The following NOVA1 variants were observed in gnomAD, a reference collection of about 807,000 sequenced individuals.
NOVA1 encodes the protein RNA-binding protein Nova-1.
NOVA1 carries 7 observed loss-of-function variants against 38.0 expected under a neutral mutation model. That is an observed-to-expected ratio of 0.18 (90% confidence interval 0.10 to 0.35). NOVA1 has a LOEUF of 0.35. Ranked by LOEUF, NOVA1 falls within the 10% of genes least tolerant of loss-of-function variation. The pLI is 1.00. For synonymous variants in NOVA1, 270 were observed against 232.5 expected, an observed-to-expected ratio of 1.16 and a Z score of -1.47; for missense variants, 460 against 616.0, an observed-to-expected ratio of 0.75 and a Z score of 2.68.
At chr14:26,549,030 G>A (rs1360526381) in intron 2 of NOVA1, among the ~76,000 whole-genome samples, 1 of 152,012 alleles carries the variant, frequency 6.6e-6, no homozygotes, top group African/African-American at 2.4e-5. Context: ...TTGATAGCTG[G>A]GAGGCTATCT....
chr14:26,596,527 A>G (rs1006807185), intron 1 of NOVA1: 1 of 1,287,994 alleles, frequency 7.8e-7, no homozygotes, highest in African/African-American at 1.5e-5. Context: ...GTGCCACTCA[A>G]AAGACCCCCA....
intron 2 of NOVA1, among the ~76,000 whole-genome samples, chr14:26,487,255 C>T (rs557400010): frequency 2.6e-5 from 4 of 152,234 alleles, no homozygotes; most frequent in Non-Finnish European, 5.9e-5. Flanking sequence ...CTGAAGCTCA[C>T]AACTACAGAC....
At chr14:26,481,644 T>C (rs1235016393) in intron 2 of NOVA1, among the ~76,000 whole-genome samples, 1 of 152,108 alleles carries the variant, frequency 6.6e-6, no homozygotes, top group East Asian at 1.9e-4. Flanking sequence ...CTTTCATTTG[T>C]AAGGGTGGAT....
At chr14:26,552,377 C>T (rs904421349) in intron 2 of NOVA1, among the ~76,000 whole-genome samples, 3 of 152,132 alleles carry the variant, frequency 2.0e-5, no homozygotes, top group African/African-American at 7.2e-5. Flanking sequence ...AAAAATAATT[C>T]TAACAGCATA....
At chr14:26,530,149 AC>A (rs1458598125) in intron 2 of NOVA1, among the ~76,000 whole-genome samples, 2 of 152,028 alleles carry the variant, frequency 1.3e-5, no homozygotes, top group Non-Finnish European at 2.9e-5. Flanking sequence ...CGATCTCCTG[AC>A]CTCATGATCC....
At chr14:26,587,555 T>G (rs1190965486) in intron 2 of NOVA1, among the ~76,000 whole-genome samples, 1 of 150,870 alleles carries the variant, frequency 6.6e-6, no homozygotes, top group Non-Finnish European at 1.5e-5. Context: ...TCAAAAAAAA[T>G]TACCTTCACC....
rs1230973256 is a variant in NOVA1 at position 26,444,404 on chromosome 14, C to T, written c.*3555G>A. ...AATATATAATACAGGACTTGCTAAC[C>T]TCTGTTAACCATCTGAATGCGATGG... On this transcript the variant is annotated 3_prime_UTR_variant, in exon 5 of 5. Transcript: ENST00000539517. 1 of 152,026 alleles carries T rather than the reference C, an allele frequency of 6.6e-6. No individual in the cohort carries two copies. The highest frequency in any genetic ancestry group is 2.4e-5 in the African/African-American group (1 of 41,398). 9.4% of individuals were successfully genotyped at this position (152,026 alleles called of 1,614,324 possible).
chr14:26,497,952 C>T (rs1886941947), intron 2 of NOVA1, among the ~76,000 whole-genome samples: 1 of 152,066 alleles, frequency 6.6e-6, no homozygotes, highest in South Asian at 2.1e-4. Flanking sequence ...AATTATCAGA[C>T]CAAATTATAC....
intron 2 of NOVA1, among the ~76,000 whole-genome samples, chr14:26,530,930 C>A (rs983585968): frequency 6.6e-6 from 1 of 151,902 alleles, no homozygotes; most frequent in African/African-American, 2.4e-5. Flanking sequence ...CATTAACAAC[C>A]AAAAACAACA....
At chr14:26,537,201 T>C (rs981768024) in intron 2 of NOVA1, among the ~76,000 whole-genome samples, 7 of 152,008 alleles carry the variant, frequency 4.6e-5, no homozygotes, top group African/African-American at 1.7e-4. Flanking sequence ...TAGAAATTTT[T>C]AAAATCATGC....
At chr14:26,495,651 C>A in intron 2 of NOVA1, among the ~76,000 whole-genome samples, 1 of 138,254 alleles carries the variant, frequency 7.2e-6, no homozygotes, top group Middle Eastern at 3.8e-3. Flanking sequence ...ACCCCCTCCC[C>A]CCACCCCACA....
intron 2 of NOVA1, among the ~76,000 whole-genome samples, chr14:26,578,565 A>G (rs902344643): frequency 7.9e-5 from 12 of 152,144 alleles, no homozygotes; most frequent in Non-Finnish European, 1.8e-4. Flanking sequence ...GTATTCAGAT[A>G]CTCATATACT....
At chr14:26,544,536 C>T (rs576645592) in intron 2 of NOVA1, among the ~76,000 whole-genome samples, 1 of 151,410 alleles carries the variant, frequency 6.6e-6, no homozygotes, top group Admixed American at 6.6e-5. Context: ...CTTCCTTATT[C>T]AGGTTTTTAA....
chr14:26,493,597 T>C (rs1886526116), intron 2 of NOVA1, among the ~76,000 whole-genome samples: 2 of 152,188 alleles, frequency 1.3e-5, no homozygotes, highest in Admixed American at 1.3e-4. Context: ...CCAGTCTTCC[T>C]CTGGACTGTC....
At chr14:26,528,274 G>GTT (rs756897543) in intron 2 of NOVA1, among the ~76,000 whole-genome samples, 47 of 152,114 alleles carry the variant, frequency 3.1e-4, no homozygotes, top group Non-Finnish European at 5.0e-4. Flanking sequence ...CTAGGTTTAG[G>GTT]CAGTTAGGGA....
intron 2 of NOVA1, among the ~76,000 whole-genome samples, chr14:26,532,932 A>T (rs1246625973): frequency 1.3e-5 from 2 of 152,186 alleles, no homozygotes; most frequent in Non-Finnish European, 2.9e-5. Context: ...ATGGTTCAGA[A>T]ATCTTATTAG....
chr14:26,519,438 T>G (rs965592287), intron 2 of NOVA1: 6 of 152,180 alleles, frequency 3.9e-5, no homozygotes, highest in African/African-American at 1.4e-4. Flanking sequence ...ATAGGTAGAG[T>G]AGGGCCAGAT....
intron 2 of NOVA1, among the ~76,000 whole-genome samples, chr14:26,564,769 T>G (rs1290442759): frequency 6.6e-6 from 1 of 152,158 alleles, no homozygotes; most frequent in Non-Finnish European, 1.5e-5. Context: ...CTATATAATA[T>G]ATAAACAATA....
At chr14:26,565,319 T>C (rs1036951172) in intron 2 of NOVA1, among the ~76,000 whole-genome samples, 4 of 152,152 alleles carry the variant, frequency 2.6e-5, no homozygotes, top group Non-Finnish European at 5.9e-5. Context: ...TATGACTTAA[T>C]GGATTTCTGG....
Sources: allele counts gnomAD v4.1 joint callset (sites outside exome capture counted in the v4.1 genomes callset), GRCh38; gene constraint gnomAD v4.1.1; transcripts MANE v1.5; gene names NCBI Gene and HGNC (gene_info 2026-07-23, HGNC 2026-07-21).